DHX8: variants seen among roughly 807,000 people sequenced by gnomAD.
DHX8 encodes DEAH-box helicase 8, also known as ATP-dependent RNA helicase DHX8.
DHX8 carries 67 observed loss-of-function variants against 140.7 expected under a neutral mutation model. That is an observed-to-expected ratio of 0.48 (90% CI 0.39 to 0.58). The LOEUF is 0.58. Ranked by LOEUF, DHX8 falls within the 20% of genes least tolerant of loss-of-function variation. The probability of loss-of-function intolerance (pLI) is 0.00; values close to 1 mark genes in which losing one functional copy is unlikely to be tolerated. For missense variants in DHX8, 887 were observed against 1,550.7 expected (o/e 0.57, Z 7.19); for synonymous variants, 533 against 553.2 (o/e 0.96, Z 0.51).
downstream of DHX8, chr17:43,529,928 C>T (rs748781431): frequency 2.2e-5 from 35 of 1,614,012 alleles, no homozygotes; most frequent in Admixed American, 1.7e-4. Context: ...TGGGAATGGT[C>T]GCAGAGGTTT....
At position 43,484,200 on chromosome 17, in the gene DHX8, G is replaced by A. The variant is rs747356410; in HGVS notation, c.148+15G>A. 11 of 1,611,234 alleles carry A rather than the reference G, an allele frequency of 6.8e-6. No homozygotes were observed. The East Asian group carries it at 1.6e-4, about 23-fold the overall frequency. On this transcript the variant is annotated intron_variant, in intron 1 of 22. Coordinates refer to ENST00000262415, the MANE Select transcript of DHX8 (RefSeq NM_004941.3). ...CAAGGACCTTGGTGAGCTCGGGGAG[G>A]TCCCTGGGACCTCAGTTTGGGATTG...
At chr17:43,536,353 G>A in intron 2 of DHX8, 1 of 1,336,702 alleles carries the variant, frequency 7.5e-7, no homozygotes, top group South Asian at 1.2e-5. Context: ...GCTCTCTTGT[G>A]ATTCTCTATC....
intron 1 of DHX8, among the ~76,000 whole-genome samples, chr17:43,489,066 G>A (rs570319184): frequency 1.4e-4 from 21 of 151,976 alleles, no homozygotes; most frequent in East Asian, 9.7e-4. Flanking sequence ...GTGCAGTGGC[G>A]CAATGCCGGC....
rs1324499993 is a variant in DHX8 at position 43,536,508 on chromosome 17, G to C, written c.*20+10G>C. 3 of 1,612,304 alleles carry C rather than the reference G, an allele frequency of 1.9e-6. No homozygotes were observed. The Admixed American group carries it at 5.0e-5, about 27-fold the overall frequency. On this transcript the variant is annotated intron_variant, in intron 3 of 3. Transcript: ENST00000589898. ...CAGAGAGAAGTCAGAGGTGAGTTTGGGGCGGAGCCCTGGTTGTCCCCTGGG... is the reference window on the plus strand; with the variant it reads ...CAGAGAGAAGTCAGAGGTGAGTTTGCGGCGGAGCCCTGGTTGTCCCCTGGG...
chr17:43,528,453 C>A (rs1018271907), downstream of DHX8: 8 of 1,126,454 alleles, frequency 7.1e-6, no homozygotes, highest in Non-Finnish European at 1.0e-5. Context: ...GTTTCCCCAA[C>A]ACCAGATTCA....
chr17:43,513,575 A>G (rs1969957965), intron 17 of DHX8, 73 bp downstream of exon 17: 8 of 1,504,896 alleles, frequency 5.3e-6, no homozygotes, highest in African/African-American at 1.4e-5. Context: ...TTATGGTTAT[A>G]TATTTCAAAC....
At chr17:43,504,566 G>A (rs1340332853) in intron 11 of DHX8, 78 bp from the exon 12 acceptor site, 27 of 1,424,922 alleles carry the variant, frequency 1.9e-5, no homozygotes, top group South Asian at 1.5e-4. Flanking sequence ...TGCAGTGCCC[G>A]CATGCCATTT....
At chr17:43,485,182 C>G (rs1968067005) in intron 1 of DHX8, among the ~76,000 whole-genome samples, 1 of 152,130 alleles carries the variant, frequency 6.6e-6, no homozygotes, top group Non-Finnish European at 1.5e-5. Context: ...GTTGCAGATT[C>G]AGATGAGTTT....
In DHX8 at chr17:43,500,120, G is replaced by A; in HGVS notation, c.1546+17G>A. On this transcript the variant is annotated intron_variant, in intron 11 of 22. Transcript: ENST00000262415. ...TGCCTGATGGTAGGACCCTTGGAGG[G>A]GTGTATGGACCTTGTTTAAAAATCT... 2.5e-6 allele frequency: 4 copies of A among 1,612,624 alleles called. No homozygotes were observed. The highest frequency in any genetic ancestry group is 3.4e-6 in the Non-Finnish European group (4 of 1,179,244).
intron 8 of DHX8, among the ~76,000 whole-genome samples, chr17:43,494,616 G>A (rs2154586408): frequency 6.7e-6 from 1 of 150,088 alleles, no homozygotes; most frequent in South Asian, 2.1e-4. Context: ...AGCTACTCAC[G>A]ACGCTGAGGC....
chr17:43,542,704 AC>A (rs1971585707), intron 3 of DHX8, among the ~76,000 whole-genome samples: 1 of 152,120 alleles, frequency 6.6e-6, no homozygotes, highest in Non-Finnish European at 1.5e-5. Context: ...AGGACACTGA[AC>A]CTGCAACCAC....
At chr17:43,508,193 AT>A in intron 15 of DHX8, 145 bp from the exon 16 acceptor site, 1 of 1,196,884 alleles carries the variant, frequency 8.4e-7, no homozygotes, top group Middle Eastern at 2.8e-4. Flanking sequence ...AATGTCATAT[AT>A]AAACAAACTT....
chr17:43,505,400 T>G (rs553529075), intron 12 of DHX8, among the ~76,000 whole-genome samples: 2 of 150,844 alleles, frequency 1.3e-5, no homozygotes, highest in African/African-American at 4.9e-5. Flanking sequence ...AGAGAGAGAC[T>G]CTGTCTAAAA....
At chr17:43,528,662 G>C (rs963303893), downstream of DHX8, 4 of 1,614,086 alleles carry the variant, frequency 2.5e-6, no homozygotes, top group Non-Finnish European at 3.4e-6. Flanking sequence ...TTGAGAGCTG[G>C]ACGCTGATTG....
chr17:43,511,848 C>T (rs1455507408), intron 16 of DHX8, among the ~76,000 whole-genome samples: 1 of 102,824 alleles, frequency 9.7e-6, no homozygotes, highest in Admixed American at 1.2e-4. Context: ...ACCCCTATCT[C>T]TACAAAAAAA....
chr17:43,529,348 G>T, downstream of DHX8: 1 of 1,392,370 alleles, frequency 7.2e-7, no homozygotes, highest in Non-Finnish European at 1.0e-6. Flanking sequence ...AGCTAGCTCT[G>T]CAACAAAGCA....
chr17:43,510,653 G>A (rs1969773742), intron 16 of DHX8, among the ~76,000 whole-genome samples: 1 of 152,104 alleles, frequency 6.6e-6, no homozygotes, highest in Non-Finnish European at 1.5e-5. Flanking sequence ...TGAATCCATA[G>A]ATGGGGAACC....
chr17:43,491,209 C>T lies in DHX8; in HGVS notation c.352C>T (p.Leu118Phe), dbSNP rs1227299998. ...PKTEKEKLKE[L>F]FPVLCQPDNP... ...AACAGAAAAAGAAAAGCTGAAGGAA[C>T]TCTTCCCAGTCCTTTGCCAACCGGA... Residue 118 changes from leucine (L) to phenylalanine (F), a missense_variant, in exon 4 of 23, where the codon CTC (leucine) becomes TTC (phenylalanine). This residue lies in a region of DHX8 where 304 missense variants were observed against 306.9 expected (regional missense o/e 0.99). Coordinates refer to ENST00000262415, the MANE Select transcript of DHX8 (RefSeq NM_004941.3). The T allele has an allele frequency of 1.9e-6, 3 of 1,541,532 alleles. No homozygotes were observed. The highest frequency in any genetic ancestry group is 1.4e-5 in the African/African-American group (1 of 72,570).
At chr17:43,489,597 G>GTTT in intron 2 of DHX8, 63 bp downstream of exon 2, 32 of 1,077,266 alleles carry the variant, frequency 3.0e-5, no homozygotes, top group South Asian at 1.2e-4. Flanking sequence ...TTGTTTGTTT[G>GTTT]TTTTTTTTTT....
Sources: gnomAD v4.1 joint callset for allele counts (sites outside exome capture counted in the v4.1 genomes callset) on GRCh38, gnomAD v4.1.1 for gene constraint, gnomAD v4.1.1 regional missense constraint, MANE v1.5 for transcripts, NCBI Gene and HGNC (gene_info 2026-07-23, HGNC 2026-07-21) for gene names.